The following MAML2 variants were observed in gnomAD, a reference collection of about 807,000 sequenced individuals.
The protein encoded by MAML2 is mastermind-like protein 2.
In MAML2, 22 loss-of-function variants were observed where a neutral mutation model predicts 96.1. That is an observed-to-expected ratio of 0.23 (90% CI 0.16 to 0.33). The LOEUF (loss-of-function observed/expected upper bound fraction) is 0.33, where lower values mean the gene tolerates loss of function less well. Ranked by LOEUF, MAML2 falls within the 10% of genes least tolerant of loss-of-function variation. MAML2 has a pLI of 1.00. For missense variants in MAML2, 1,367 were observed against 1,392.4 expected (o/e 0.98, Z 0.29); for synonymous variants, 561 against 521.3 (o/e 1.08, Z -1.04).
chr11:96,154,165 G>A (rs924331657), intron 1 of MAML2, among the ~76,000 whole-genome samples: 3 of 151,986 alleles, frequency 2.0e-5, no homozygotes, highest in Non-Finnish European at 2.9e-5. Flanking sequence ...TACCTAGAGA[G>A]CTTGTTAAAA....
chr11:96,256,094 G>A (rs1047216480), intron 1 of MAML2, among the ~76,000 whole-genome samples: 12 of 151,712 alleles, frequency 7.9e-5, no homozygotes, highest in South Asian at 4.2e-4. Flanking sequence ...GGCTGGTCTC[G>A]AACTCCTGAC....
At chr11:96,313,881 A>G (rs523599) in intron 1 of MAML2, among the ~76,000 whole-genome samples, 80,574 of 151,926 alleles carry the variant, frequency 0.53, 21,459 homozygotes, top group East Asian at 0.6. Context: ...ATTTGAAATA[A>G]GACCCTAGAA....
intron 1 of MAML2, among the ~76,000 whole-genome samples, chr11:96,263,859 G>A (rs758973456): frequency 6.6e-5 from 10 of 152,150 alleles, no homozygotes; most frequent in East Asian, 3.8e-4. Flanking sequence ...TTTATTATTT[G>A]TGTAGCCTTG....
At chr11:96,230,940 G>C (rs369718313) in intron 1 of MAML2, among the ~76,000 whole-genome samples, 1 of 152,198 alleles carries the variant, frequency 6.6e-6, no homozygotes, top group South Asian at 2.1e-4. Flanking sequence ...TAAATGCTCA[G>C]GTCCTGAGCT....
intron 1 of MAML2, among the ~76,000 whole-genome samples, chr11:96,282,142 G>T (rs530583499): frequency 6.6e-6 from 1 of 151,712 alleles, no homozygotes; most frequent in Non-Finnish European, 1.5e-5. Flanking sequence ...CAAGCTACTC[G>T]GGAGGCTGAG....
intron 2 of MAML2, among the ~76,000 whole-genome samples, chr11:96,073,725 G>A (rs1454330199): frequency 2.6e-5 from 4 of 152,106 alleles, no homozygotes; most frequent in Admixed American, 6.6e-5. Context: ...CCAGTTAGCC[G>A]AGTGCTGTAA....
intron 2 of MAML2, among the ~76,000 whole-genome samples, chr11:95,996,931 C>T (rs1479297566): frequency 3.9e-5 from 6 of 152,120 alleles, no homozygotes; most frequent in African/African-American, 9.7e-5. Flanking sequence ...GTAAAAATCG[C>T]ACATTCTCAG....
In MAML2 at chr11:96,092,670, T is replaced by C; in HGVS notation, c.1361A>G (p.Gln454Arg). 6.2e-7 allele frequency: 1 copy of C among 1,613,234 alleles called. No individual in the cohort carries two copies. Among genetic ancestry groups the C allele is most frequent in the Non-Finnish European group, 8.5e-7 (1 of 1,179,262 alleles). Reference protein sequence around the residue: ...QQHARMQQHQQQHQPTNWSAL... With the variant: ...QQHARMQQHQRQHQPTNWSAL... The stretch of plus-strand genomic sequence containing the variant: ...TGACCAGTTGGTAGGCTGGTGCTGC[T>C]GCTGGTGCTGCTGCATCCGGGCATG... Residue 454 changes from glutamine (Q) to arginine (R), a missense_variant, in exon 2 of 5, where the codon CAG becomes CGG. Transcript: ENST00000524717. This position sits in a 1 kb window ranked among gnomAD's most constrained non-coding sequence, Gnocchi z 4.1.
intron 1 of MAML2, among the ~76,000 whole-genome samples, chr11:96,103,064 A>T (rs1859960601): frequency 6.6e-6 from 1 of 152,190 alleles, no homozygotes; most frequent in South Asian, 2.1e-4. Flanking sequence ...CTTTCTCTAA[A>T]GGGCATACCT....
At chr11:96,332,433 C>G (rs1373522306) in intron 1 of MAML2, among the ~76,000 whole-genome samples, 1 of 152,162 alleles carries the variant, frequency 6.6e-6, no homozygotes, top group Non-Finnish European at 1.5e-5. Context: ...CTCTGGGGGA[C>G]TGAGCCTGCA....
intron 2 of MAML2, among the ~76,000 whole-genome samples, chr11:96,075,971 C>T (rs556444787): frequency 2.0e-5 from 3 of 152,300 alleles, no homozygotes; most frequent in South Asian, 2.1e-4. Flanking sequence ...CTGAAGTGAA[C>T]CTTGGGTGGC....
chr11:96,086,086 T>A (rs2135803634), intron 2 of MAML2, among the ~76,000 whole-genome samples: 1 of 152,338 alleles, frequency 6.6e-6, no homozygotes, highest in South Asian at 2.1e-4. Flanking sequence ...AAACGTAATG[T>A]AATTACTCAA....
At chr11:96,210,804 C>T (rs554761422) in intron 1 of MAML2, among the ~76,000 whole-genome samples, 1 of 152,220 alleles carries the variant, frequency 6.6e-6, no homozygotes, top group Non-Finnish European at 1.5e-5. Flanking sequence ...AACTGCATAC[C>T]ATGATACTTT....
intron 1 of MAML2, among the ~76,000 whole-genome samples, chr11:96,340,348 G>A (rs1403312692): frequency 2.0e-5 from 3 of 152,240 alleles, no homozygotes; most frequent in South Asian, 2.1e-4. Flanking sequence ...GAATCCAGAA[G>A]TCCCATGGAG....
intron 2 of MAML2, among the ~76,000 whole-genome samples, chr11:96,091,083 A>G (rs1268768458): frequency 1.3e-5 from 2 of 152,190 alleles, no homozygotes; most frequent in Admixed American, 6.5e-5. Flanking sequence ...GCACAGAGCT[A>G]TGCCTTCATA....
At chr11:96,131,294 A>G (rs1473073071) in intron 1 of MAML2, among the ~76,000 whole-genome samples, 2 of 152,240 alleles carry the variant, frequency 1.3e-5, no homozygotes, top group African/African-American at 2.4e-5. Context: ...AAAAAATCAC[A>G]GAATTGAAGG....
intron 1 of MAML2, among the ~76,000 whole-genome samples, chr11:96,219,588 T>A (rs958042410): frequency 4.0e-4 from 61 of 152,180 alleles, no homozygotes; most frequent in African/African-American, 1.4e-3. Flanking sequence ...TGTCTGAGCT[T>A]TGTAACCCTG....
chr11:96,114,651 C>T (rs992255545), intron 1 of MAML2, among the ~76,000 whole-genome samples: 1 of 152,212 alleles, frequency 6.6e-6, no homozygotes, highest in Non-Finnish European at 1.5e-5. Flanking sequence ...CAGAGAGGCT[C>T]TCACCATGAA....
rs754208604 is a variant in MAML2 at position 96,342,398 on chromosome 11, C to G, written c.-503G>C. The G allele has an allele frequency of 1.2e-4, 46 of 399,334 alleles. No individual in the cohort carries two copies. The highest frequency in any genetic ancestry group is 1.9e-4 in the Non-Finnish European group (44 of 226,718). 24.7% of individuals were successfully genotyped at this position (399,334 alleles called of 1,614,324 possible). The stretch of plus-strand genomic sequence containing the variant: ...ATGGGGATGTTTCTGCAGAGAAACA[C>G]ATTTCTACCATGTCTATGTAACCAG... On this transcript the variant is annotated 5_prime_UTR_variant, in exon 1 of 5. An upstream start codon of the reference 5' UTR is lost. Transcript: ENST00000524717.
Sources: gnomAD v4.1 joint callset for allele counts (sites outside exome capture counted in the v4.1 genomes callset) on GRCh38, gnomAD v4.1.1 for gene constraint, Gnocchi (gnomAD v3.1) non-coding constraint, MANE v1.5 for transcripts, NCBI Gene and HGNC (gene_info 2026-07-23, HGNC 2026-07-21) for gene names.